UNC5D: variants seen among roughly 807,000 people sequenced by gnomAD.
The protein encoded by UNC5D is unc-5 netrin receptor D.
UNC5D carries 39 observed loss-of-function variants against 105.4 expected under a neutral mutation model. The observed-to-expected ratio is 0.37, with a 90% confidence interval of 0.29 to 0.48. The LOEUF (loss-of-function observed/expected upper bound fraction) is 0.48. UNC5D is among the 20% of genes least tolerant of loss of function. The probability of loss-of-function intolerance (pLI) is 0.98; values close to 1 mark genes in which losing one functional copy is unlikely to be tolerated. For synonymous variants in UNC5D, 452 were observed against 450.4 expected (o/e 1.00, Z -0.04); for missense variants, 991 against 1,202.4 (o/e 0.82, Z 2.60).
At chr8:35,509,412 C>T (rs577218058) in intron 1 of UNC5D, among the ~76,000 whole-genome samples, 37 of 148,804 alleles carry the variant, frequency 2.5e-4, no homozygotes, top group African/African-American at 9.2e-4. Flanking sequence ...ATTGCTAGAG[C>T]CCTGCAGTCA....
At chr8:35,382,679 AT>A (rs1803116621) in intron 1 of UNC5D, among the ~76,000 whole-genome samples, 1 of 152,138 alleles carries the variant, frequency 6.6e-6, no homozygotes, top group South Asian at 2.1e-4. Flanking sequence ...TGCTTTGTAG[AT>A]TTATAGTGAC....
chr8:35,595,681 T>A (rs556651151), intron 4 of UNC5D, 24 bp downstream of exon 4: 1 of 1,606,712 alleles, frequency 6.2e-7, no homozygotes, highest in African/African-American at 1.3e-5. Flanking sequence ...CTGGGACCAG[T>A]CACCGGGAGG....
At chr8:35,688,832 C>G (rs1350977004) in intron 7 of UNC5D, among the ~76,000 whole-genome samples, 2 of 152,182 alleles carry the variant, frequency 1.3e-5, no homozygotes, top group Non-Finnish European at 2.9e-5. Flanking sequence ...GGCCAGTGTC[C>G]ATAGGACGAG....
chr8:35,478,843 T>C (rs974707038), intron 1 of UNC5D, among the ~76,000 whole-genome samples: 2 of 152,186 alleles, frequency 1.3e-5, no homozygotes, highest in Non-Finnish European at 2.9e-5. Flanking sequence ...TTAGGCTCTA[T>C]TAGTTGAATT....
intron 3 of UNC5D, among the ~76,000 whole-genome samples, chr8:35,581,744 C>T (rs142237160): frequency 4.6e-5 from 7 of 151,790 alleles, no homozygotes; most frequent in African/African-American, 1.5e-4. Context: ...TCTTATGTAC[C>T]CATAATAATT....
intron 1 of UNC5D, among the ~76,000 whole-genome samples, chr8:35,405,592 C>T (rs1804753861): frequency 6.6e-6 from 1 of 152,104 alleles, no homozygotes; most frequent in Non-Finnish European, 1.5e-5. Flanking sequence ...ATTCTCTCCA[C>T]CTTTTTGTTT....
chr8:35,679,349 G>T, intron 4 of UNC5D, among the ~76,000 whole-genome samples: 1 of 152,086 alleles, frequency 6.6e-6, no homozygotes, highest in Non-Finnish European at 1.5e-5. Context: ...GTTAGGTAAG[G>T]CCTCTGTGAA....
intron 4 of UNC5D, among the ~76,000 whole-genome samples, chr8:35,660,265 C>T (rs188799897): frequency 5.9e-5 from 9 of 152,280 alleles, no homozygotes; most frequent in East Asian, 3.9e-4. Flanking sequence ...TTATCTATTA[C>T]GGTTTTGCCT....
chr8:35,603,024 G>C (rs892847577), intron 4 of UNC5D, among the ~76,000 whole-genome samples: 1 of 151,828 alleles, frequency 6.6e-6, no homozygotes, highest in Non-Finnish European at 1.5e-5. Context: ...TTTTTGAAGG[G>C]TTTTTTGTGT....
intron 1 of UNC5D, among the ~76,000 whole-genome samples, chr8:35,440,686 C>T (rs1807336682): frequency 6.6e-6 from 1 of 151,960 alleles, no homozygotes. Flanking sequence ...TTATTTTAGA[C>T]ATGAATATTA....
chr8:35,278,262 G>A (rs1366971866), intron 1 of UNC5D, among the ~76,000 whole-genome samples: 1 of 152,178 alleles, frequency 6.6e-6, no homozygotes, highest in Non-Finnish European at 1.5e-5. Flanking sequence ...ACACTCATCA[G>A]CAGCCCTGAC....
chr8:35,410,349 T>A (rs926561273), intron 1 of UNC5D, among the ~76,000 whole-genome samples: 1 of 152,056 alleles, frequency 6.6e-6, no homozygotes, highest in Non-Finnish European at 1.5e-5. Flanking sequence ...TTTGCCGTAA[T>A]GGTTACTGAG....
chr8:35,667,458 C>A (rs1734633424), intron 4 of UNC5D, among the ~76,000 whole-genome samples: 1 of 152,106 alleles, frequency 6.6e-6, no homozygotes, highest in African/African-American at 2.4e-5. Context: ...TGTCCTGGAA[C>A]TAAAAAGTTT....
intron 10 of UNC5D, among the ~76,000 whole-genome samples, chr8:35,728,206 C>G (rs967654771): frequency 1.3e-5 from 2 of 151,352 alleles, no homozygotes; most frequent in African/African-American, 4.9e-5. Context: ...ACTTAGAAGG[C>G]TCTCAGTTAT....
intron 16 of UNC5D, among the ~76,000 whole-genome samples, chr8:35,789,177 A>G (rs1404166356): frequency 5.1e-5 from 5 of 97,254 alleles, no homozygotes; most frequent in East Asian, 6.8e-4. Context: ...ATATATATAT[A>G]TATATATATA....
intron 1 of UNC5D, among the ~76,000 whole-genome samples, chr8:35,517,691 A>G (rs949970799): frequency 2.0e-5 from 3 of 152,200 alleles, no homozygotes; most frequent in Admixed American, 6.5e-5. Flanking sequence ...AGCTTTTTAA[A>G]TTCAGCAGGG....
chr8:35,586,584 A>G (rs926329900), intron 3 of UNC5D, among the ~76,000 whole-genome samples: 6 of 152,094 alleles, frequency 3.9e-5, no homozygotes, highest in African/African-American at 9.7e-5. Context: ...AATACTCTGT[A>G]TTTGGGTAAG....
intron 1 of UNC5D, chr8:35,525,055 AC>A: frequency 2.4e-6 from 2 of 844,894 alleles, no homozygotes; most frequent in Admixed American, 5.7e-5. Flanking sequence ...GGAAATGCTG[AC>A]CCTTTGTTAA....
intron 4 of UNC5D, among the ~76,000 whole-genome samples, chr8:35,597,291 A>T (rs2130908764): frequency 6.6e-6 from 1 of 152,260 alleles, no homozygotes; most frequent in South Asian, 2.1e-4. Flanking sequence ...TTATTTAAAA[A>T]TTTTTTATTG....
Sources: allele counts gnomAD v4.1 joint callset (sites outside exome capture counted in the v4.1 genomes callset), GRCh38; gene constraint gnomAD v4.1.1; transcripts MANE v1.5; gene names NCBI Gene and HGNC (gene_info 2026-07-23, HGNC 2026-07-21).